Variants in TRANK1 observed in about 807,000 individuals in gnomAD.
TRANK1 encodes the protein tetratricopeptide repeat and ankyrin repeat containing 1, also known as TPR and ankyrin repeat-containing protein 1.
In TRANK1, 198 loss-of-function variants were observed where a neutral mutation model predicts 266.0. The observed-to-expected ratio is 0.74, with a 90% CI of 0.66 to 0.84. TRANK1 has a LOEUF of 0.84. Ranked by LOEUF, TRANK1 falls within the 40% of genes least tolerant of loss-of-function variation. The pLI, the probability that TRANK1 is intolerant of heterozygous loss-of-function variation, is 0.00. For missense variants in TRANK1, 3,326 were observed against 3,634.6 expected (o/e 0.92, Z 2.18); for synonymous variants, 1,396 against 1,384.1 (o/e 1.01, Z -0.19).
chr3:36,902,397 A>G (rs2079896664), intron 3 of TRANK1, among the ~76,000 whole-genome samples: 1 of 152,246 alleles, frequency 6.6e-6, no homozygotes, highest in South Asian at 2.1e-4. Flanking sequence ...CAGATGCTCC[A>G]GAGTGGCTAT....
At chr3:36,891,398 A>G (rs2079693571) in intron 7 of TRANK1, among the ~76,000 whole-genome samples, 1 of 152,144 alleles carries the variant, frequency 6.6e-6, no homozygotes, top group African/African-American at 2.4e-5. Flanking sequence ...CACCAGGACA[A>G]ATCTGGCTAA....
At chr3:36,882,282 T>A (rs1034987016) in intron 8 of TRANK1, among the ~76,000 whole-genome samples, 5 of 152,186 alleles carry the variant, frequency 3.3e-5, no homozygotes, top group Non-Finnish European at 5.9e-5. Flanking sequence ...CTGGTGGGTA[T>A]AAAGTGTATC....
chr3:36,876,060 G>C (rs894886198), intron 8 of TRANK1, among the ~76,000 whole-genome samples: 3 of 152,142 alleles, frequency 2.0e-5, no homozygotes, highest in African/African-American at 7.2e-5. Flanking sequence ...TTCTTTAAGG[G>C]GGGATAAGGA....
chr3:36,930,085 G>T (rs1379520130), intron 1 of TRANK1, among the ~76,000 whole-genome samples: 1 of 152,120 alleles, frequency 6.6e-6, no homozygotes. Context: ...CCATGGTCAG[G>T]CTGGTCTCAA....
intron 8 of TRANK1, among the ~76,000 whole-genome samples, chr3:36,876,790 C>T (rs1463695056): frequency 6.6e-6 from 1 of 152,174 alleles, no homozygotes; most frequent in Admixed American, 6.5e-5. Context: ...AGTCTTCAGT[C>T]GCATGAGACA....
At chr3:36,837,516 T>C (rs1424943788) in intron 20 of TRANK1, among the ~76,000 whole-genome samples, 1 of 152,166 alleles carries the variant, frequency 6.6e-6, no homozygotes, top group Non-Finnish European at 1.5e-5. Flanking sequence ...TGACACCTGA[T>C]AGGGGAAAAT....
chr3:36,930,927 A>G (rs1023385028), intron 1 of TRANK1, among the ~76,000 whole-genome samples: 3 of 152,236 alleles, frequency 2.0e-5, no homozygotes, highest in Admixed American at 2.0e-4. Context: ...TGTTTATTAC[A>G]TGCAAATATC....
chr3:36,878,427 ACCAACATCTCTAACC>A (rs1441146585), intron 8 of TRANK1, among the ~76,000 whole-genome samples: 4 of 152,226 alleles, frequency 2.6e-5, no homozygotes, highest in Non-Finnish European at 5.9e-5. Flanking sequence ...GTCCTAAACT[ACCAACATCTCTAACC>A]ATCTGATTAG....
chr3:36,844,437 G>A (rs770136780), intron 17 of TRANK1, among the ~76,000 whole-genome samples: 1 of 152,162 alleles, frequency 6.6e-6, no homozygotes, highest in African/African-American at 2.4e-5. Flanking sequence ...ATGTTGGTCA[G>A]GCTGGTCTTG....
intron 18 of TRANK1, among the ~76,000 whole-genome samples, chr3:36,838,940 C>A (rs1052549794): frequency 6.6e-6 from 1 of 152,170 alleles, no homozygotes; most frequent in African/African-American, 2.4e-5. Context: ...AAGCACCCGT[C>A]GAAAAGGTAC....
chr3:36,838,558 T>A, intron 19 of TRANK1, 54 bp from the exon 20 acceptor site: 1 of 1,613,914 alleles, frequency 6.2e-7, no homozygotes, highest in African/African-American at 1.3e-5. Flanking sequence ...CCTACACCAA[T>A]ATTTAACCTG....
intron 15 of TRANK1, chr3:36,850,447 T>C (rs2078970982): frequency 1.0e-6 from 1 of 985,280 alleles, no homozygotes; most frequent in Admixed American, 6.1e-5. Context: ...ACATTACGAC[T>C]ATGAGAAATG....
intron 2 of TRANK1, among the ~76,000 whole-genome samples, chr3:36,905,826 G>T (rs1349552558): frequency 6.6e-6 from 1 of 152,136 alleles, no homozygotes; most frequent in Non-Finnish European, 1.5e-5. Context: ...GTGCCATCCT[G>T]CCTCCCTCAG....
chr3:36,832,812 C>T lies in TRANK1; in HGVS notation c.6771G>A (p.Leu2257=). 1 of 1,613,962 alleles carries T rather than the reference C, an allele frequency of 6.2e-7. No individual in the cohort carries two copies. Among genetic ancestry groups the T allele is most frequent in the Non-Finnish European group, 8.5e-7 (1 of 1,179,858 alleles). ...AEELKEIDYI[L]STDMYGLCKS... The stretch of plus-strand genomic sequence containing the variant: ...TGCAAAGGCCATACATATCTGTAGA[C>T]AAAATATAATCAATTTCTTTAAGTT... The change falls in exon 22 of 24, where the codon TTG becomes TTA. Residue 2257 remains leucine (L), a synonymous_variant. Transcript: ENST00000645898.
intron 1 of TRANK1, among the ~76,000 whole-genome samples, chr3:36,925,044 C>A (rs902771922): frequency 6.6e-6 from 1 of 152,184 alleles, no homozygotes; most frequent in African/African-American, 2.4e-5. Flanking sequence ...GGTATTGGCC[C>A]CACACCATTC....
intron 13 of TRANK1, among the ~76,000 whole-genome samples, chr3:36,854,096 C>G (rs1255390211): frequency 6.6e-6 from 1 of 152,232 alleles, no homozygotes; most frequent in South Asian, 2.1e-4. Flanking sequence ...CACGAGGGCT[C>G]ACGCCTGTAA....
chr3:36,858,624 G>T, intron 12 of TRANK1, 94 bp downstream of exon 12: 2 of 1,360,434 alleles, frequency 1.5e-6, no homozygotes, highest in South Asian at 3.7e-5. Flanking sequence ...CAGATCACTG[G>T]TTTACACAAA....
At chr3:36,864,008 A>T (rs1349561616) in intron 10 of TRANK1, among the ~76,000 whole-genome samples, 1 of 152,210 alleles carries the variant, frequency 6.6e-6, no homozygotes, top group Non-Finnish European at 1.5e-5. Context: ...TTTATACTCC[A>T]ACATTAGCCA....
At chr3:36,860,014 G>A (rs528002479) in intron 11 of TRANK1, among the ~76,000 whole-genome samples, 1 of 152,198 alleles carries the variant, frequency 6.6e-6, no homozygotes, top group East Asian at 1.9e-4. Flanking sequence ...TACATATTAT[G>A]TGTTATTGAT....
Sources: gnomAD v4.1 joint callset for allele counts (sites outside exome capture counted in the v4.1 genomes callset) on GRCh38, gnomAD v4.1.1 for gene constraint, MANE v1.5 for transcripts, NCBI Gene and HGNC (gene_info 2026-07-23, HGNC 2026-07-21) for gene names.